COLQ: variants seen among roughly 807,000 people sequenced by gnomAD.
The protein encoded by COLQ is acetylcholinesterase collagenic tail peptide.
In COLQ, 48 loss-of-function variants were observed where a neutral mutation model predicts 69.0. The ratio of observed to expected loss-of-function variants is 0.70; its 90% CI spans 0.55 to 0.88. The LOEUF (loss-of-function observed/expected upper bound fraction) is 0.88. COLQ is among the 40% of genes least tolerant of loss of function. The pLI, the probability that COLQ is intolerant of heterozygous loss-of-function variation, is 0.00. For synonymous variants in COLQ, 217 were observed against 211.2 expected (o/e 1.03, Z -0.24); for missense variants, 618 against 594.6 (o/e 1.04, Z -0.41).
chr3:15,479,597 C>T (rs1285912824), intron 3 of COLQ, among the ~76,000 whole-genome samples: 5 of 152,168 alleles, frequency 3.3e-5, no homozygotes, highest in African/African-American at 1.2e-4. Flanking sequence ...TTTCCAGTGG[C>T]TCCATGGTTG....
chr3:15,461,295 C>G (rs1295161442), intron 12 of COLQ, among the ~76,000 whole-genome samples: 1 of 152,048 alleles, frequency 6.6e-6, no homozygotes, highest in African/African-American at 2.4e-5. Context: ...AGCTGGGCAC[C>G]AGAAACCGAG....
At chr3:15,517,839 G>C (rs1374123003) in intron 1 of COLQ, among the ~76,000 whole-genome samples, 3 of 152,118 alleles carry the variant, frequency 2.0e-5, no homozygotes, top group Non-Finnish European at 2.9e-5. Flanking sequence ...GTCATCACTG[G>C]TCCATTCATG....
At chr3:15,475,365 C>A (rs2062361765) in intron 7 of COLQ, 60 bp downstream of exon 7, 1 of 1,483,366 alleles carries the variant, frequency 6.7e-7, no homozygotes, top group African/African-American at 1.4e-5. Flanking sequence ...TGTTTGTAGA[C>A]AGCAGCTGCT....
Position 15,479,377 on chromosome 3 carries a change from T to A in COLQ, c.327A>T (p.Pro109=). 1 of 1,614,086 alleles carries A rather than the reference T, an allele frequency of 6.2e-7. No homozygotes were observed. Among genetic ancestry groups the A allele is most frequent in the Non-Finnish European group, 8.5e-7 (1 of 1,179,946 alleles). ...GTCCTGTCTTGCCAGGAAGCCCCGGTGGACCCTAATCAATCAAGATAAAAA... is the reference window on the plus strand; with the variant it reads ...GTCCTGTCTTGCCAGGAAGCCCCGGAGGACCCTAATCAATCAAGATAAAAA... ...GSPGPPGPQG[P]PGLPGKTGPK... The change falls in exon 4 of 17, where the codon CCA becomes CCT. Residue 109 remains proline, a synonymous_variant. Transcript: ENST00000383788.
chr3:15,509,153 AC>A (rs1220357201), intron 1 of COLQ, among the ~76,000 whole-genome samples: 14 of 152,236 alleles, frequency 9.2e-5, no homozygotes, highest in Admixed American at 1.3e-4. Flanking sequence ...CAAATCAGCC[AC>A]TATTTGCTGG....
At chr3:15,501,654 C>T (rs773168825) in intron 1 of COLQ, among the ~76,000 whole-genome samples, 7 of 152,354 alleles carry the variant, frequency 4.6e-5, no homozygotes, top group South Asian at 4.1e-4. Flanking sequence ...AGGCTTTGAA[C>T]GTGGGCTTCT....
At position 15,466,370 on chromosome 3, in the gene COLQ, C is replaced by T. The variant is rs201158622; in HGVS notation, c.785G>A (p.Arg262His). 93 of 1,614,104 alleles carry T rather than the reference C, an allele frequency of 5.8e-5. No individual in the cohort carries two copies. The highest frequency in any genetic ancestry group is 5.1e-4 in the East Asian group (23 of 44,880). The change falls in exon 12 of 17, where the codon CGT (arginine) becomes CAT (histidine). Residue 262 changes from arginine to histidine, a missense_variant. By Grantham distance (29) the Arg-to-His change is conservative. Coordinates refer to ENST00000383788, the MANE Select transcript of COLQ (RefSeq NM_005677.4). Reference protein sequence around the residue: ...GKPGPSGQPGRPGPPGPPPAG... With the variant: ...GKPGPSGQPGHPGPPGPPPAG... ...AGGTGGGGGGCCTGGGGGCCCCGGA[C>T]GGCCAGGTTGACCAGAAGGCCCAGG... is the stretch of plus-strand genomic sequence containing the variant.
rs1474701793 is a variant in COLQ, at chr3:15,458,254, T to A, written c.886A>T (p.Thr296Ser). Reference sequence around the variant, plus strand: ...TAGGAAGGGTTATTCACATTCATAGTGGGTCCACAAAGACATCTTCCTGGA... The same window carrying A: ...TAGGAAGGGTTATTCACATTCATAGAGGGTCCACAAAGACATCTTCCTGGA... ...GPPGRCLCGP[T>S]MNVNNPSYGE... Residue 296 changes from threonine (T) to serine (S), a missense_variant, in exon 13 of 17, where the codon ACT (threonine) becomes TCT (serine). Coordinates refer to ENST00000383788, the MANE Select transcript of COLQ (RefSeq NM_005677.4). 1 of 1,614,138 alleles carries A rather than the reference T, an allele frequency of 6.2e-7. No individual in the cohort carries two copies. Among genetic ancestry groups the A allele is most frequent in the East Asian group, 2.2e-5 (1 of 44,878 alleles).
chr3:15,465,119 A>G (rs2062177238), intron 12 of COLQ, among the ~76,000 whole-genome samples: 1 of 151,956 alleles, frequency 6.6e-6, no homozygotes, highest in Admixed American at 6.6e-5. Flanking sequence ...GGTTGCAGTG[A>G]GCCAAGATCG....
chr3:15,475,608 A>T, intron 6 of COLQ, 121 bp from the exon 7 acceptor site: 2 of 872,040 alleles, frequency 2.3e-6, no homozygotes, highest in Non-Finnish European at 3.7e-6. Context: ...AAATCTGAGG[A>T]CCCCAGATGC....
intron 1 of COLQ, among the ~76,000 whole-genome samples, chr3:15,514,224 A>T (rs2063025514): frequency 6.6e-6 from 1 of 152,304 alleles, no homozygotes; most frequent in African/African-American, 2.4e-5. Flanking sequence ...CACTAAGTTT[A>T]TGATGATTTA....
At chr3:15,507,664 C>T (rs1346342851) in intron 1 of COLQ, among the ~76,000 whole-genome samples, 2 of 152,104 alleles carry the variant, frequency 1.3e-5, no homozygotes, top group South Asian at 2.1e-4. Flanking sequence ...CCATGTTGGC[C>T]AGCTGGTCTC....
intron 12 of COLQ, among the ~76,000 whole-genome samples, chr3:15,465,233 T>G (rs1265962445): frequency 1.4e-4 from 5 of 35,998 alleles, no homozygotes; most frequent in African/African-American, 6.4e-4. Flanking sequence ...ACTTTATATT[T>G]TGATTTATTT....
At chr3:15,509,781 C>T (rs139643984) in intron 1 of COLQ, among the ~76,000 whole-genome samples, 1 of 152,316 alleles carries the variant, frequency 6.6e-6, no homozygotes, top group Non-Finnish European at 1.5e-5. Context: ...GAACCCAGAC[C>T]TCCGGTTCCA....
chr3:15,521,120 C>T (rs2063130996), intron 1 of COLQ, among the ~76,000 whole-genome samples: 1 of 152,220 alleles, frequency 6.6e-6, no homozygotes, highest in African/African-American at 2.4e-5. Context: ...ACAACAGCCC[C>T]TGTGAGGCAA....
rs200711039 is a variant in COLQ, at chr3:15,483,518, T to G, written c.322-4136A>C. Among the ~76,000 whole-genome samples the G allele has an allele frequency of 2.6e-3, 394 of 152,222 alleles. 8 individuals carry two copies. In the East Asian group the frequency reaches 0.057, roughly 22 times the overall value. On this transcript the variant is annotated intron_variant, in intron 3 of 16. Transcript: ENST00000383788. ...GTTGTTCAGTTTCTATGTAGTTGAG[T>G]GGTTTTGAGTGAGTTTCTTAATCCT...
chr3:15,462,294 T>C (rs895503064), intron 12 of COLQ, among the ~76,000 whole-genome samples: 1 of 152,132 alleles, frequency 6.6e-6, no homozygotes, highest in Non-Finnish European at 1.5e-5. Context: ...CCTCCCCAAG[T>C]GCTAGGATTA....
rs1231879744 is a variant in COLQ at position 15,508,661 on chromosome 3, C to G, written c.106+12859G>C. Among the ~76,000 whole-genome samples the G allele has an allele frequency of 3.3e-5, 5 of 152,114 alleles. No individual in the cohort carries two copies. The South Asian group carries it at 1.0e-3, about 32-fold the overall frequency. ...TCAAATAATTCCACAAAGCCCCCAT[C>G]AATTCACATCCCCTCCTAGGAGCAG... is the stretch of plus-strand genomic sequence containing the variant. On this transcript the variant is annotated intron_variant, in intron 1 of 16. Transcript: ENST00000383788.
intron 3 of COLQ, among the ~76,000 whole-genome samples, chr3:15,486,642 G>A (rs758182956): frequency 4.6e-5 from 7 of 152,182 alleles, no homozygotes; most frequent in Admixed American, 1.3e-4. Flanking sequence ...ATGCACCTCC[G>A]AGGATTCTCA....
Sources: allele counts gnomAD v4.1 joint callset (sites outside exome capture counted in the v4.1 genomes callset), GRCh38; gene constraint gnomAD v4.1.1; transcripts MANE v1.5; gene names NCBI Gene and HGNC (gene_info 2026-07-23, HGNC 2026-07-21).